ADCK1: variants seen among roughly 807,000 people sequenced by gnomAD.
The protein encoded by ADCK1 is aarF domain containing kinase 1.
A neutral mutation model predicts 52.3 loss-of-function variants in ADCK1; 41 were observed. The ratio of observed to expected loss-of-function variants is 0.78; its 90% CI spans 0.61 to 1.02. The LOEUF (loss-of-function observed/expected upper bound fraction) is 1.02, where lower values mean the gene tolerates loss of function less well. Among genes scored for constraint, ADCK1 ranks in the 50% least tolerant of loss-of-function variants. The pLI, the probability that ADCK1 is intolerant of heterozygous loss-of-function variation, is 0.00. For synonymous variants in ADCK1, 250 were observed against 274.6 expected (o/e 0.91, Z 0.89); for missense variants, 658 against 679.5 (o/e 0.97, Z 0.35).
At chr14:77,921,244 A>G (rs10147453) in intron 7 of ADCK1, among the ~76,000 whole-genome samples, 104,027 of 144,186 alleles carry the variant, frequency 0.72, 37,846 homozygotes, top group African/African-American at 0.76. Context: ...GGAGAATGGC[A>G]TGAACCTGGG....
intron 3 of ADCK1, among the ~76,000 whole-genome samples, chr14:77,855,359 T>C (rs1379929060): frequency 2.0e-5 from 3 of 152,226 alleles, no homozygotes; most frequent in Non-Finnish European, 4.4e-5. Flanking sequence ...ATTATCTTAC[T>C]TTTATAGATG....
chr14:77,854,989 G>A (rs943475407), intron 3 of ADCK1, among the ~76,000 whole-genome samples: 1 of 152,194 alleles, frequency 6.6e-6, no homozygotes, highest in African/African-American at 2.4e-5. Flanking sequence ...TAGACAAGTA[G>A]GGAGAGCTCC....
In ADCK1 at chr14:77,852,907, A is replaced by ATTTTTTTTTTTTT. The variant is rs71303864; in HGVS notation, c.220-6157_220-6145dup. Among the ~76,000 whole-genome samples, 5 of 28,956 alleles carry ATTTTTTTTTTTTT rather than the reference A, an allele frequency of 1.7e-4. 1 individual carries two copies. Among genetic ancestry groups the ATTTTTTTTTTTTT allele is most frequent in the Admixed American group, 1.1e-3 (2 of 1,836 alleles). 19.0% of individuals were successfully genotyped at this position (28,956 alleles called of 152,430 possible). A position where few individuals can be genotyped will look rare whatever the true frequency, so the allele number is the denominator to read the frequency against. On this transcript the variant is annotated intron_variant, in intron 3 of 10. Coordinates refer to ENST00000238561, the MANE Select transcript of ADCK1 (RefSeq NM_020421.4). ...TGTATATATATATATATATATATAT[A>ATTTTTTTTTTTTT]TTTTTTTTTTTTTTTTTTTTTTTTA... is the stretch of plus-strand genomic sequence containing the variant.
rs979192751 is a variant in ADCK1 at position 77,807,222 on chromosome 14, C to G, written c.-12+7052C>G. 4.6e-5 allele frequency among the ~76,000 whole-genome samples: 7 copies of G among 151,764 alleles called. 1 individual carries two copies. The highest frequency in any genetic ancestry group is 1.5e-5 in the Non-Finnish European group (1 of 67,952). On this transcript the variant is annotated intron_variant, in intron 1 of 10. Transcript: ENST00000238561. The stretch of plus-strand genomic sequence containing the variant: ...TAGCTGGGACTACAGGCGCCCGCCA[C>G]CACGCCCGGTTAATTTTTTGTATTT...
At chr14:77,912,813 C>T (rs17106604) in intron 7 of ADCK1, among the ~76,000 whole-genome samples, 18,011 of 152,122 alleles carry the variant, frequency 0.12, 1,139 homozygotes, top group East Asian at 0.2. Flanking sequence ...CCTCACTCCG[C>T]TTTGAAGAGG....
At position 77,907,876 on chromosome 14, in the gene ADCK1, A is replaced by G. The variant is rs1228424595; in HGVS notation, c.815A>G (p.Asn272Ser). The G allele has an allele frequency of 2.2e-5, 35 of 1,613,944 alleles. No homozygotes were observed. The highest frequency in any genetic ancestry group is 2.9e-5 in the Non-Finnish European group (34 of 1,179,962). Residue 272 changes from asparagine to serine, a missense_variant, in exon 7 of 11, where the codon AAT becomes AGT. By Grantham distance (46) the Asn-to-Ser change is conservative. Transcript: ENST00000238561. ...LMEFVDGGQV[N>S]DRDYMERNKI... is the part of the protein sequence containing the mutation. ...GAGTTTGTGGATGGCGGGCAGGTCA[A>G]TGACAGAGACTACATGGAGAGGAAC...
chr14:77,822,364 G>T, intron 2 of ADCK1, 71 bp from the exon 3 acceptor site: 1 of 1,277,914 alleles, frequency 7.8e-7, no homozygotes. Flanking sequence ...GACCTGTACT[G>T]CAAGGTTTGG....
rs2082487473 is a variant in ADCK1, at chr14:77,859,136, A to G, written c.280A>G (p.Ile94Val). 1.9e-6 allele frequency: 3 copies of G among 1,613,612 alleles called. No individual in the cohort carries two copies. The highest frequency in any genetic ancestry group is 2.7e-5 in the African/African-American group (2 of 75,016). Residue 94 changes from isoleucine to valine, a missense_variant, in exon 4 of 11, where the codon ATC (isoleucine) becomes GTC (valine). By Grantham distance (29) the Ile-to-Val change is conservative. Coordinates refer to ENST00000238561, the MANE Select transcript of ADCK1 (RefSeq NM_020421.4). ...CTGCTGTGCCAACCGGGGCACCTTC[A>G]TCAAGGTGGGCCAGCACCTGGGGGC... Reference protein sequence around the residue: ...ELCCANRGTFIKVGQHLGALD... With the variant: ...ELCCANRGTFVKVGQHLGALD...
At chr14:77,842,888 CTTTCT>C (rs1271060568) in intron 3 of ADCK1, among the ~76,000 whole-genome samples, 8,262 of 132,446 alleles carry the variant, frequency 0.062, 262 homozygotes, top group Middle Eastern at 0.094. Context: ...TCTTTTCTTT[CTTTCT>C]TTTTTTTTTT....
At chr14:77,829,685 T>A (rs1468078705) in intron 3 of ADCK1, among the ~76,000 whole-genome samples, 1 of 151,396 alleles carries the variant, frequency 6.6e-6, no homozygotes, top group Non-Finnish European at 1.5e-5. Context: ...AAATATCACC[T>A]CTTTCTCTGA....
intron 9 of ADCK1, 60 bp from the exon 10 acceptor site, chr14:77,931,458 C>A: frequency 1.9e-6 from 3 of 1,542,096 alleles, no homozygotes; most frequent in Non-Finnish European, 2.6e-6. Flanking sequence ...AGACCCCTGC[C>A]ACCCCTGGCC....
In ADCK1 at chr14:77,908,840, C is replaced by A. The variant is rs77295656; in HGVS notation, c.858+921C>A. On this transcript the variant is annotated intron_variant, in intron 7 of 10. Transcript: ENST00000238561. ...GGCAGCGAGAGGGTGTGAGGAGAAC[C>A]CCAGGGAGAGTGAGGAAGAGGCACT... 3.6e-3 allele frequency among the ~76,000 whole-genome samples: 551 copies of A among 152,246 alleles called. 6 individuals carry two copies. Among genetic ancestry groups the A allele is most frequent in the African/African-American group, 0.012 (496 of 41,538 alleles).
At chr14:77,900,302 G>A (rs955411640) in intron 6 of ADCK1, among the ~76,000 whole-genome samples, 1 of 151,888 alleles carries the variant, frequency 6.6e-6, no homozygotes, top group Admixed American at 6.6e-5. Context: ...GAAATGGGAC[G>A]GAGGCTGGGC....
chr14:77,861,233 T>G (rs2082538738), intron 4 of ADCK1, among the ~76,000 whole-genome samples: 1 of 152,170 alleles, frequency 6.6e-6, no homozygotes, highest in African/African-American at 2.4e-5. Context: ...GCTGGGGAGC[T>G]TCTTCAGAGC....
At chr14:77,910,514 G>T (rs148867597) in intron 7 of ADCK1, among the ~76,000 whole-genome samples, 7 of 152,184 alleles carry the variant, frequency 4.6e-5, no homozygotes, top group Non-Finnish European at 1.0e-4. Context: ...AGGGAAACAG[G>T]GTCTGTCGCC....
intron 10 of ADCK1, among the ~76,000 whole-genome samples, chr14:77,932,397 G>A (rs1204769466): frequency 6.6e-6 from 1 of 152,194 alleles, no homozygotes; most frequent in East Asian, 1.9e-4. Context: ...ATGAGGAAGA[G>A]AAGTGTGCTT....
intron 1 of ADCK1, among the ~76,000 whole-genome samples, chr14:77,808,736 T>G (rs148139153): frequency 6.6e-6 from 1 of 152,066 alleles, no homozygotes; most frequent in African/African-American, 2.4e-5. Context: ...CTACCACGCC[T>G]GGTTAATTTT....
chr14:77,885,798 G>A (rs1208243024), intron 4 of ADCK1, among the ~76,000 whole-genome samples: 1 of 152,242 alleles, frequency 6.6e-6, no homozygotes, highest in African/African-American at 2.4e-5. Flanking sequence ...AGGATTGTGA[G>A]GCTGCACAGA....
At chr14:77,841,674 C>CAAAAAA (rs71128696) in intron 3 of ADCK1, among the ~76,000 whole-genome samples, 1 of 74,276 alleles carries the variant, frequency 1.3e-5, no homozygotes, top group Non-Finnish European at 2.4e-5. Context: ...ACTAAAAATA[C>CAAAAAA]AAAAAAAAAA....
Sources: gnomAD v4.1 joint callset for allele counts (sites outside exome capture counted in the v4.1 genomes callset) on GRCh38, gnomAD v4.1.1 for gene constraint, MANE v1.5 for transcripts, NCBI Gene and HGNC (gene_info 2026-07-23, HGNC 2026-07-21) for gene names.